The following ESPL1 variants were observed in gnomAD, a reference collection of about 807,000 sequenced individuals.
ESPL1 encodes extra spindle pole bodies like 1, separase, also known as separin.
Under a neutral mutation model 217.2 loss-of-function variants are expected in ESPL1, and 50 were observed. The observed-to-expected ratio is 0.23, with a 90% CI of 0.18 to 0.29. ESPL1 has a LOEUF of 0.29. ESPL1 is among the 10% of genes least tolerant of loss of function. The pLI is 1.00. For missense variants in ESPL1, 1,834 were observed against 2,603.0 expected, an observed-to-expected ratio of 0.70 and a Z score of 6.43; for synonymous variants, 994 against 1,081.3, an observed-to-expected ratio of 0.92 and a Z score of 1.58.
In ESPL1 at chr12:53,283,202, C is replaced by T. The variant is rs559397472; in HGVS notation, c.2865C>T (p.Gly955=). Residue 955 remains glycine (G), a synonymous_variant, in exon 15 of 31, where the codon GGC becomes GGT. Transcript: ENST00000257934. The stretch of plus-strand genomic sequence containing the variant: ...GAAGCATCATCCTCCTGCTGATGGG[C>T]AGTGACATTCTCTCAACTCAGAAAG... ...LLRSIILLLM[G]SDILSTQKAA... 25 of 1,614,124 alleles carry T rather than the reference C, an allele frequency of 1.5e-5. No individual in the cohort carries two copies. The South Asian group carries it at 2.7e-4, about 18-fold the overall frequency.
At position 53,276,771 on chromosome 12, in the gene ESPL1, A is replaced by C. The variant is rs758968472; in HGVS notation, c.1852A>C (p.Thr618Pro). 2 of 1,613,744 alleles carry C rather than the reference A, an allele frequency of 1.2e-6. No homozygotes were observed. The highest frequency in any genetic ancestry group is 2.7e-5 in the African/African-American group (2 of 74,940). Reference sequence around the variant, plus strand: ...CCTCCTGGAGCTGAGCCCCGAGGAGACACCAGCCGGGGCCTGGGCACGAGC... The same window carrying C: ...CCTCCTGGAGCTGAGCCCCGAGGAGCCACCAGCCGGGGCCTGGGCACGAGC... Reference protein sequence around the residue: ...CDLLELSPEETPAGAWARATH... With the variant: ...CDLLELSPEEPPAGAWARATH... Residue 618 changes from threonine to proline, a missense_variant, in exon 8 of 31, where the codon ACA becomes CCA. Physicochemically the swap from Thr to Pro is conservative, Grantham distance 38 (BLOSUM62 -1). This residue lies in a region of ESPL1 where 746 missense variants were observed against 1,077.0 expected (regional missense o/e 0.69). Coordinates refer to ENST00000257934, the MANE Select transcript of ESPL1 (RefSeq NM_012291.5).
At chr12:53,283,571 G>T in intron 16 of ESPL1, 33 bp downstream of exon 16, 1 of 1,596,498 alleles carries the variant, frequency 6.3e-7, no homozygotes, top group South Asian at 1.1e-5. Flanking sequence ...TGGCAATGAT[G>T]GCACCAAAGT....
rs1389216098 is a variant in ESPL1, at chr12:53,283,172, C to A, written c.2835C>A (p.Leu945=). Residue 945 remains leucine, a synonymous_variant, in exon 15 of 31, where the codon CTC becomes CTA. Transcript: ENST00000257934. ...PEIALIDSHK[L]LRSIILLLMG... ...TAGCTCTCATAGACTCCCATAAGCT[C>A]CTCCGAAGCATCATCCTCCTGCTGA... 6.2e-7 allele frequency: 1 copy of A among 1,614,238 alleles called. No homozygotes were observed. The highest frequency in any genetic ancestry group is 1.7e-5 in the Admixed American group (1 of 60,022).
chr12:53,289,211 C>G lies in ESPL1; in HGVS notation c.4830C>G (p.His1610Gln). 1 of 1,613,858 alleles carries G rather than the reference C, an allele frequency of 6.2e-7. No individual in the cohort carries two copies. The highest frequency in any genetic ancestry group is 2.2e-5 in the East Asian group (1 of 44,884). ...GCTTCCTGGCCTTGTGCCTGGGCCA[C>G]CGGGATCCTTATGCCACTGCTTTCC... The part of the protein sequence containing the change: ...LCRFLALCLG[H>Q]RDPYATAFLV... The change falls in exon 21 of 31, where the codon CAC (histidine) becomes CAG (glutamine). Residue 1610 changes from histidine to glutamine, a missense_variant. Transcript: ENST00000257934.
At chr12:53,270,518 C>T (rs1440422464) in intron 4 of ESPL1, 36 bp downstream of exon 4, 9 of 1,577,100 alleles carry the variant, frequency 5.7e-6, no homozygotes, top group Non-Finnish European at 7.8e-6. Flanking sequence ...GGACTAGGCT[C>T]ATAGGGTTTG....
At chr12:53,268,898 T>C in intron 2 of ESPL1, 51 bp downstream of exon 2, 1 of 1,543,104 alleles carries the variant, frequency 6.5e-7, no homozygotes, top group Admixed American at 1.8e-5. Context: ...AACTGAGCTG[T>C]TTTGTGTTTG....
chr12:53,289,937 A>G, intron 22 of ESPL1, 148 bp from the exon 23 acceptor site: 2 of 798,258 alleles, frequency 2.5e-6, no homozygotes, highest in African/African-American at 3.5e-5. Flanking sequence ...ACAGGGAGCT[A>G]TTAGAGCAAG....
Position 53,289,221 on chromosome 12 carries a change from T to C in ESPL1, c.4840T>C (p.Tyr1614His). ...CTTGTGCCTGGGCCACCGGGATCCT[T>C]ATGCCACTGCTTTCCTTGTCACCGA... ...LALCLGHRDP[Y>H]ATAFLVTESV... Residue 1614 changes from tyrosine to histidine, a missense_variant, in exon 21 of 31, where the codon TAT (tyrosine) becomes CAT (histidine). This residue lies in a region of ESPL1 where 681 missense variants were observed against 808.0 expected (regional missense o/e 0.84). Coordinates refer to ENST00000257934, the MANE Select transcript of ESPL1 (RefSeq NM_012291.5). 2.5e-6 allele frequency: 4 copies of C among 1,613,640 alleles called. No individual in the cohort carries two copies. Among genetic ancestry groups the C allele is most frequent in the Non-Finnish European group, 3.4e-6 (4 of 1,180,034 alleles).
chr12:53,288,928 C>G, intron 20 of ESPL1, 162 bp from the exon 21 acceptor site: 1 of 711,832 alleles, frequency 1.4e-6, no homozygotes, highest in Non-Finnish European at 2.4e-6. Flanking sequence ...TAAGTTGATG[C>G]CTGTTAGTTG....
Position 53,277,828 on chromosome 12 carries a change from C to G in ESPL1, c.2232C>G (p.Ser744=), listed in dbSNP as rs763243461. ...AFNLAADAAQ[S]KCLDQALALW... The stretch of plus-strand genomic sequence containing the variant: ...TTTCTTCTGGCTTAACAGCTCAGTC[C>G]AAATGCCTGGACCAAGCCCTGGCCC... The change falls in exon 11 of 31, where the codon TCC becomes TCG. Residue 744 remains serine (S), a synonymous_variant. Transcript: ENST00000257934. 4.3e-6 allele frequency: 7 copies of G among 1,613,908 alleles called. No homozygotes were observed. The African/African-American group carries it at 8.0e-5, about 18-fold the overall frequency.
rs765405492 is a variant in ESPL1 at position 53,291,675 on chromosome 12, ACT to A, written c.5521-14_5521-13del. On this transcript the variant is annotated splice_polypyrimidine_tract_variant and intron_variant, in intron 25 of 30. Coordinates refer to ENST00000257934, the MANE Select transcript of ESPL1 (RefSeq NM_012291.5). Reference sequence around the variant, plus strand: ...ATGAATGAAGATGGTGCTCACCACCACTGTTTCCCTGCAGATCATGCTCAGTG... The same window carrying A: ...ATGAATGAAGATGGTGCTCACCACCAGTTTCCCTGCAGATCATGCTCAGTG... 10 of 1,611,566 alleles carry A rather than the reference ACT, an allele frequency of 6.2e-6. No homozygotes were observed. Among genetic ancestry groups the A allele is most frequent in the Non-Finnish European group, 3.4e-6 (4 of 1,179,004 alleles).
Position 53,281,299 on chromosome 12 carries a change from G to A in ESPL1, c.2500-208G>A, listed in dbSNP as rs547473837. 5.9e-5 allele frequency among the ~76,000 whole-genome samples: 9 copies of A among 151,920 alleles called. No individual in the cohort carries two copies. In the South Asian group the frequency reaches 1.7e-3, roughly 28 times the overall value. On this transcript the variant is annotated intron_variant, in intron 12 of 30. Coordinates refer to ENST00000257934, the MANE Select transcript of ESPL1 (RefSeq NM_012291.5). The stretch of plus-strand genomic sequence containing the variant: ...ATTACAGGCGCGTGCCACCACACCT[G>A]GCTAATTTTTGTATTTTTAGTAGAG...
chr12:53,276,695 C>T lies in ESPL1; in HGVS notation c.1776C>T (p.Tyr592=), dbSNP rs925967215. ...TGCTGAGGGAGGAGCTGCAGGCCTA[C>T]AAGGCGGTGCGGGCCGACACTGGAC... is the stretch of plus-strand genomic sequence containing the variant. ...ALLLREELQA[Y]KAVRADTGQE... is the part of the protein sequence containing the mutation. The change falls in exon 8 of 31, where the codon TAC becomes TAT. Residue 592 remains tyrosine (Y), a synonymous_variant. Transcript: ENST00000257934. The T allele has an allele frequency of 6.2e-7, 1 of 1,613,372 alleles. No homozygotes were observed. Among genetic ancestry groups the T allele is most frequent in the Non-Finnish European group, 8.5e-7 (1 of 1,180,014 alleles).
At chr12:53,270,513 A>G (rs1943649516) in intron 4 of ESPL1, 31 bp downstream of exon 4, 1 of 1,579,408 alleles carries the variant, frequency 6.3e-7, no homozygotes. Flanking sequence ...TACCTGGACT[A>G]GGCTCATAGG....
At chr12:53,277,660 G>A in intron 10 of ESPL1, 52 bp downstream of exon 10, 4 of 1,603,064 alleles carry the variant, frequency 2.5e-6, no homozygotes, top group South Asian at 2.2e-5. Context: ...TCCTAAGAGT[G>A]GAACAGGGAC....
chr12:53,285,313 T>C (rs1229993358), intron 17 of ESPL1, among the ~76,000 whole-genome samples: 3 of 152,108 alleles, frequency 2.0e-5, no homozygotes, highest in African/African-American at 7.2e-5. Context: ...GAAGTCTATG[T>C]TTGGGGCCAG....
At position 53,269,247 on chromosome 12, in the gene ESPL1, T is replaced by G; in HGVS notation, c.305T>G (p.Phe102Cys). Reference sequence around the variant, plus strand: ...CCCCTCTACCTGGAACGAATTCTCTTTGTCTTACTGCGGAATGCTGCTGCA... The same window carrying G: ...CCCCTCTACCTGGAACGAATTCTCTGTGTCTTACTGCGGAATGCTGCTGCA... ...RPPLYLERIL[F>C]VLLRNAAAQG... The change falls in exon 3 of 31, where the codon TTT becomes TGT. Residue 102 changes from phenylalanine (F) to cysteine (C), a missense_variant. Physicochemically the swap from Phe to Cys is radical, Grantham distance 205. Coordinates refer to ENST00000257934, the MANE Select transcript of ESPL1 (RefSeq NM_012291.5). This position sits in a 1 kb window ranked among gnomAD's most constrained non-coding sequence, Gnocchi z 6.7. 6 of 1,614,182 alleles carry G rather than the reference T, an allele frequency of 3.7e-6. No individual in the cohort carries two copies. The highest frequency in any genetic ancestry group is 4.2e-6 in the Non-Finnish European group (5 of 1,180,024).
intron 7 of ESPL1, among the ~76,000 whole-genome samples, chr12:53,275,726 CT>C (rs560945425): frequency 0.048 from 6,192 of 129,496 alleles, 414 homozygotes; most frequent in African/African-American, 0.16. Context: ...GTGTCTGTTC[CT>C]TTTTTTTTTT....
At chr12:53,279,587 T>G in intron 11 of ESPL1, 145 bp from the exon 12 acceptor site, 6 of 871,098 alleles carry the variant, frequency 6.9e-6, no homozygotes, top group South Asian at 1.6e-5. Flanking sequence ...AGGGGTGGGG[T>G]GATGATTGCT....
Sources: gnomAD v4.1 joint callset for allele counts (sites outside exome capture counted in the v4.1 genomes callset) on GRCh38, gnomAD v4.1.1 for gene constraint, gnomAD v4.1.1 regional missense constraint, Gnocchi (gnomAD v3.1) non-coding constraint, MANE v1.5 for transcripts, NCBI Gene and HGNC (gene_info 2026-07-23, HGNC 2026-07-21) for gene names.